Variants in NBDY observed in about 807,000 individuals in gnomAD.
NBDY encodes P-body dissociating protein.
intron 2 of NBDY, among the ~76,000 whole-genome samples, chrX:56,755,400 G>A (rs762247813): frequency 8.1e-4 from 91 of 111,800 alleles, no homozygotes; most frequent in African/African-American, 2.7e-3. Context: ...ATGTGACAAC[G>A]GGCTAATATC....
intron 2 of NBDY, among the ~76,000 whole-genome samples, chrX:56,743,544 T>C (rs1236686882): frequency 1.8e-5 from 2 of 111,067 alleles, no homozygotes; most frequent in Admixed American, 1.9e-4. Flanking sequence ...CTATTTAGTC[T>C]AGATTTTCCA....
chrX:56,785,467 A>G (rs2069722124), intron 2 of NBDY, among the ~76,000 whole-genome samples: 2 of 111,292 alleles, frequency 1.8e-5, no homozygotes, highest in South Asian at 7.7e-4. Flanking sequence ...GTGTCTGGCC[A>G]GACACCTTCA....
At chrX:56,760,000 A>T (rs138689774) in intron 2 of NBDY, among the ~76,000 whole-genome samples, 1,658 of 112,615 alleles carry the variant, frequency 0.015, 39 homozygotes, top group African/African-American at 0.051. Context: ...CTCGACCATC[A>T]GTGCCCAGTG....
intron 2 of NBDY, among the ~76,000 whole-genome samples, chrX:56,733,780 C>A (rs2069471839): frequency 8.9e-6 from 1 of 112,274 alleles, no homozygotes; most frequent in African/African-American, 3.2e-5. Context: ...TGCCTCCTCC[C>A]ATACAGTGTA....
In NBDY at chrX:56,796,048, T is replaced by A. The variant is rs57394473; in HGVS notation, c.*167-21272T>A. Among the ~76,000 whole-genome samples, 458 of 112,024 alleles carry A rather than the reference T, an allele frequency of 4.1e-3. 1 individual carries two copies. Among genetic ancestry groups the A allele is most frequent in the African/African-American group, 0.015 (449 of 30,791 alleles). ...CTTCATTCACACCTGTGTCTGGTCC[T>A]CTAGGCCGCTCTCAGTGGGCAGTTT... is the stretch of plus-strand genomic sequence containing the variant. On this transcript the variant is annotated intron_variant, in intron 2 of 2. Transcript: ENST00000374922.
intron 2 of NBDY, among the ~76,000 whole-genome samples, chrX:56,738,589 T>C (rs1255887165): frequency 8.9e-6 from 1 of 111,830 alleles, no homozygotes; most frequent in Non-Finnish European, 1.9e-5. Flanking sequence ...TAGGCTCAAA[T>C]AATTTGCTAG....
At chrX:56,796,883 T>C (rs1248139123) in intron 2 of NBDY, among the ~76,000 whole-genome samples, 1 of 111,663 alleles carries the variant, frequency 9.0e-6, no homozygotes, top group Admixed American at 9.4e-5. Context: ...AAGTGGGACA[T>C]GACCGGTGGC....
intron 2 of NBDY, among the ~76,000 whole-genome samples, chrX:56,737,801 A>G (rs2069504712): frequency 8.9e-6 from 1 of 111,861 alleles, no homozygotes. Context: ...AAAACCAGGA[A>G]TATTACAAAG....
At chrX:56,794,496 C>G (rs899452386) in intron 2 of NBDY, among the ~76,000 whole-genome samples, 1 of 112,118 alleles carries the variant, frequency 8.9e-6, no homozygotes, top group Non-Finnish European at 1.9e-5. Context: ...GGTCACTTTG[C>G]GGAAACCTGC....
chrX:56,806,630 C>G (rs2069852103), intron 2 of NBDY, among the ~76,000 whole-genome samples: 1 of 112,325 alleles, frequency 8.9e-6, no homozygotes, highest in Non-Finnish European at 1.9e-5. Context: ...TGAGAAGTCT[C>G]TGCTCATATC....
At chrX:56,796,929 A>C (rs955410586) in intron 2 of NBDY, among the ~76,000 whole-genome samples, 3 of 111,661 alleles carry the variant, frequency 2.7e-5, no homozygotes, top group Non-Finnish European at 3.8e-5. Context: ...TCACACATTC[A>C]GGTCCCCCTG....
At chrX:56,740,495 C>T (rs2069526525) in intron 2 of NBDY, among the ~76,000 whole-genome samples, 2 of 111,310 alleles carry the variant, frequency 1.8e-5, no homozygotes, top group African/African-American at 6.5e-5. Context: ...TTTAAATCTT[C>T]TCTATTCCTA....
At chrX:56,731,768 A>G (rs1302853111) in intron 1 of NBDY, among the ~76,000 whole-genome samples, 1 of 111,356 alleles carries the variant, frequency 9.0e-6, no homozygotes, top group African/African-American at 3.3e-5. Flanking sequence ...AATTTATTTA[A>G]TCACAACTCT....
chrX:56,745,739 T>A (rs1003278083), intron 2 of NBDY, among the ~76,000 whole-genome samples: 2 of 111,113 alleles, frequency 1.8e-5, no homozygotes, highest in Non-Finnish European at 3.8e-5. Context: ...TCCCTTTTTT[T>A]TTCTTGTCCT....
intron 2 of NBDY, among the ~76,000 whole-genome samples, chrX:56,742,026 A>G (rs1350567256): frequency 9.0e-6 from 1 of 111,619 alleles, no homozygotes; most frequent in African/African-American, 3.2e-5. Context: ...AAAGATAGCT[A>G]TCTAGTTTCA....
intron 2 of NBDY, among the ~76,000 whole-genome samples, chrX:56,733,061 GTTC>G (rs1456898472): frequency 4.6e-5 from 5 of 109,281 alleles, no homozygotes; most frequent in Non-Finnish European, 9.5e-5. Flanking sequence ...AATTTTCAAT[GTTC>G]TTCTGTAAAA....
At chrX:56,807,468 G>T (rs754442715) in intron 2 of NBDY, among the ~76,000 whole-genome samples, 1 of 111,678 alleles carries the variant, frequency 9.0e-6, no homozygotes, top group South Asian at 3.8e-4. Flanking sequence ...CCTTCCATTT[G>T]TTTGTGTCCT....
At chrX:56,766,984 C>T (rs899469635) in intron 2 of NBDY, among the ~76,000 whole-genome samples, 1 of 112,781 alleles carries the variant, frequency 8.9e-6, no homozygotes, top group Non-Finnish European at 1.9e-5. Context: ...GTTGAGCTGT[C>T]TATCCGTTCT....
intron 2 of NBDY, among the ~76,000 whole-genome samples, chrX:56,796,272 C>T (rs1423553203): frequency 8.9e-6 from 1 of 112,225 alleles, no homozygotes; most frequent in African/African-American, 3.2e-5. Flanking sequence ...TGATGGCTCC[C>T]TCTCTGTGAG....
Sources: allele counts gnomAD v4.1 joint callset (sites outside exome capture counted in the v4.1 genomes callset), GRCh38; gene constraint gnomAD v4.1.1; transcripts MANE v1.5; gene names NCBI Gene and HGNC (gene_info 2026-07-23, HGNC 2026-07-21).